ZMYM4: variants seen among roughly 807,000 people sequenced by gnomAD.
ZMYM4 encodes the protein zinc finger MYM-type containing 4.
ZMYM4 carries 31 observed loss-of-function variants against 183.2 expected under a neutral mutation model. The observed-to-expected ratio is 0.17, with a 90% CI of 0.13 to 0.23. The LOEUF (loss-of-function observed/expected upper bound fraction) is 0.23. Ranked by LOEUF, ZMYM4 falls within the 10% of genes least tolerant of loss-of-function variation. The pLI is 1.00. For synonymous variants in ZMYM4, 592 were observed against 631.2 expected, an observed-to-expected ratio of 0.94 and a Z score of 0.93; for missense variants, 1,273 against 1,840.3, an observed-to-expected ratio of 0.69 and a Z score of 5.64.
At chr1:35,280,252 T>TTCTCTCTTTCTC (rs201342347) in intron 1 of ZMYM4, among the ~76,000 whole-genome samples, 1 of 149,462 alleles carries the variant, frequency 6.7e-6, no homozygotes, top group Middle Eastern at 3.4e-3. Context: ...CTCTCTTTCT[T>TTCTCTCTTTCTC]TCTCTCTTTC....
chr1:35,355,965 T>G (rs1643805888), intron 2 of ZMYM4, among the ~76,000 whole-genome samples: 1 of 152,180 alleles, frequency 6.6e-6, no homozygotes, highest in Admixed American at 6.6e-5. Context: ...CAGTGGCTCA[T>G]GTCTGTAATC....
chr1:35,415,095 A>C (rs1640060862), intron 27 of ZMYM4, among the ~76,000 whole-genome samples: 1 of 152,160 alleles, frequency 6.6e-6, no homozygotes, highest in South Asian at 2.1e-4. Context: ...TTTTACTGGC[A>C]TATAGCTCTG....
At chr1:35,286,588 C>G (rs12142168) in intron 1 of ZMYM4, among the ~76,000 whole-genome samples, 42 of 147,662 alleles carry the variant, frequency 2.8e-4, no homozygotes, top group Admixed American at 1.4e-3. Context: ...CTGCCTCTGT[C>G]TGCCTATTTT....
chr1:35,302,468 C>T (rs1174552346), intron 1 of ZMYM4, among the ~76,000 whole-genome samples: 1 of 147,488 alleles, frequency 6.8e-6, no homozygotes, highest in African/African-American at 2.5e-5. Flanking sequence ...TCACTGCAAG[C>T]TCCGCCTCCC....
At chr1:35,269,391 ATCTTT>A in intron 1 of ZMYM4, among the ~76,000 whole-genome samples, 1 of 26,432 alleles carries the variant, frequency 3.8e-5, no homozygotes, top group Non-Finnish European at 9.4e-4. Flanking sequence ...TCTTAAGTGC[ATCTTT>A]AGTGCATCTT....
chr1:35,373,773 G>GT (rs1316748265), intron 7 of ZMYM4, among the ~76,000 whole-genome samples: 5 of 146,898 alleles, frequency 3.4e-5, no homozygotes, highest in Admixed American at 3.4e-4. Flanking sequence ...TCCTGACCTT[G>GT]TGATCCACCC....
chr1:35,414,899 T>C (rs1167586482), intron 27 of ZMYM4, among the ~76,000 whole-genome samples: 1 of 151,642 alleles, frequency 6.6e-6, no homozygotes, highest in African/African-American at 2.4e-5. Context: ...ATAAAAAAAA[T>C]TAGCTGGGCA....
chr1:35,271,673 G>A (rs1337914542), intron 1 of ZMYM4, among the ~76,000 whole-genome samples: 2 of 152,194 alleles, frequency 1.3e-5, no homozygotes, highest in Non-Finnish European at 2.9e-5. Context: ...AAAGTGCTGG[G>A]ATTACAGGTG....
chr1:35,318,824 A>G (rs934924763), intron 1 of ZMYM4, among the ~76,000 whole-genome samples: 3 of 152,200 alleles, frequency 2.0e-5, no homozygotes, highest in Non-Finnish European at 2.9e-5. Context: ...ATTATAACGT[A>G]GTAAGCAAAT....
Position 35,387,218 on chromosome 1 carries a change from A to G in ZMYM4, c.2052A>G (p.Lys684=). 2 of 1,614,154 alleles carry G rather than the reference A, an allele frequency of 1.2e-6. No individual in the cohort carries two copies. Among genetic ancestry groups the G allele is most frequent in the East Asian group, 4.5e-5 (2 of 44,874 alleles). ...QHVGFARSVV[K]LKCQHCNRLF... ...TTGGGTTTGCACGAAGTGTTGTGAA[A>G]CTCAAATGTCAACACTGTAACCGTC... The change falls in exon 12 of 30, where the codon AAA becomes AAG. Residue 684 remains lysine (K), a synonymous_variant. Transcript: ENST00000314607.
intron 2 of ZMYM4, among the ~76,000 whole-genome samples, chr1:35,325,971 G>T (rs535415055): frequency 3.3e-5 from 5 of 152,052 alleles, no homozygotes; most frequent in Non-Finnish European, 7.4e-5. Flanking sequence ...CATAGATACT[G>T]TTCTTGCTTT....
At chr1:35,311,482 G>T (rs143486805) in intron 1 of ZMYM4, among the ~76,000 whole-genome samples, 1 of 151,770 alleles carries the variant, frequency 6.6e-6, no homozygotes. Flanking sequence ...TTTGGGACTG[G>T]CTTCATAGAA....
At chr1:35,395,373 A>ATT (rs1553179997) in intron 18 of ZMYM4, among the ~76,000 whole-genome samples, 33 of 151,850 alleles carry the variant, frequency 2.2e-4, no homozygotes, top group African/African-American at 7.3e-4. Context: ...AGGCGGGAGG[A>ATT]TCACTTGAGC....
At chr1:35,336,410 G>A (rs1233650380) in intron 2 of ZMYM4, among the ~76,000 whole-genome samples, 3 of 148,186 alleles carry the variant, frequency 2.0e-5, no homozygotes, top group Non-Finnish European at 4.4e-5. Context: ...TTTTGATACA[G>A]AGTTTCACTC....
intron 9 of ZMYM4, among the ~76,000 whole-genome samples, chr1:35,383,248 T>G (rs1450858446): frequency 6.6e-6 from 1 of 152,176 alleles, no homozygotes; most frequent in Non-Finnish European, 1.5e-5. Context: ...TTTCTAATTT[T>G]TAATTTTTGT....
At chr1:35,351,369 G>C in intron 2 of ZMYM4, 1 of 1,574,964 alleles carries the variant, frequency 6.3e-7, no homozygotes, top group Admixed American at 1.7e-5. Context: ...AGATGAAGAT[G>C]CTTACAAGAA....
intron 5 of ZMYM4, among the ~76,000 whole-genome samples, chr1:35,365,148 A>T (rs1388224841): frequency 6.6e-6 from 1 of 151,758 alleles, no homozygotes; most frequent in Non-Finnish European, 1.5e-5. Context: ...GGATGTTAAC[A>T]TTTATAGGTG....
At chr1:35,318,084 A>C (rs149346518) in intron 1 of ZMYM4, among the ~76,000 whole-genome samples, 2,779 of 110,764 alleles carry the variant, frequency 0.025, 104 homozygotes, top group African/African-American at 0.098. Context: ...TTTGAGACAG[A>C]GTCTCACTCT....
intron 1 of ZMYM4, among the ~76,000 whole-genome samples, chr1:35,310,665 A>G (rs1377728981): frequency 2.0e-5 from 3 of 151,658 alleles, no homozygotes; most frequent in African/African-American, 4.8e-5. Context: ...TGCAACCTCT[A>G]CCTCCCAGAT....
Sources: allele counts gnomAD v4.1 joint callset (sites outside exome capture counted in the v4.1 genomes callset), GRCh38; gene constraint gnomAD v4.1.1; transcripts MANE v1.5; gene names NCBI Gene and HGNC (gene_info 2026-07-23, HGNC 2026-07-21).